The following CNIH3 variants were observed in gnomAD, a reference collection of about 807,000 sequenced individuals.
CNIH3 encodes the protein protein cornichon homolog 3.
In CNIH3, 14 loss-of-function variants were observed where a neutral mutation model predicts 24.1. The observed-to-expected ratio is 0.58, with a 90% CI of 0.38 to 0.91. The LOEUF is 0.91. Ranked by LOEUF, CNIH3 falls within the 40% of genes least tolerant of loss-of-function variation. The probability of loss-of-function intolerance (pLI) is 0.00; values close to 1 mark genes in which losing one functional copy is unlikely to be tolerated. For missense variants in CNIH3, 178 were observed against 196.8 expected (o/e 0.90, Z 0.57); for synonymous variants, 68 against 73.8 (o/e 0.92, Z 0.40).
At chr1:224,666,219 A>G (rs77490483) in intron 1 of CNIH3, among the ~76,000 whole-genome samples, 10,237 of 152,208 alleles carry the variant, frequency 0.067, 478 homozygotes, top group South Asian at 0.11. Flanking sequence ...TGCCCTTTCC[A>G]TGAGCCCAGG....
chr1:224,562,533 T>C (rs934412133), intron 3 of CNIH3, among the ~76,000 whole-genome samples: 1 of 152,230 alleles, frequency 6.6e-6, no homozygotes, highest in South Asian at 2.1e-4. Context: ...GTGACTGATA[T>C]AGTTTGGATA....
chr1:224,564,217 T>C lies in CNIH3; in HGVS notation n.451-1982T>C, dbSNP rs115000806. 4.5e-3 allele frequency among the ~76,000 whole-genome samples: 688 copies of C among 152,306 alleles called. 6 individuals are homozygous for C. The highest frequency in any genetic ancestry group is 0.016 in the African/African-American group (660 of 41,558). On this transcript the variant is annotated intron_variant and non_coding_transcript_variant, in intron 3 of 5. Coordinates refer to the CNIH3 transcript ENST00000471578. ...TGTGTGCTAGTAATTCATCACATAG[T>C]ATCAATAACTGTTTATAAATACCTG... is the stretch of plus-strand genomic sequence containing the variant.
upstream of CNIH3, among the ~76,000 whole-genome samples, chr1:224,611,872 C>T (rs541541255): frequency 5.3e-5 from 8 of 152,250 alleles, no homozygotes; most frequent in African/African-American, 1.9e-4. Flanking sequence ...CTTGTGGATC[C>T]CTGACAGCGC....
intron 3 of CNIH3, among the ~76,000 whole-genome samples, chr1:224,724,798 G>A (rs998184728): frequency 1.3e-5 from 2 of 152,122 alleles, no homozygotes; most frequent in Non-Finnish European, 2.9e-5. Flanking sequence ...GGAGTCAGGA[G>A]ACTGAATTGA....
chr1:224,694,724 A>T (rs1328336856), intron 3 of CNIH3, among the ~76,000 whole-genome samples: 1 of 152,252 alleles, frequency 6.6e-6, no homozygotes, highest in Admixed American at 6.5e-5. Flanking sequence ...TGTGGCATGT[A>T]TACACCATGG....
intron 3 of CNIH3, among the ~76,000 whole-genome samples, chr1:224,714,831 CG>C (rs1353530738): frequency 6.6e-6 from 1 of 152,200 alleles, no homozygotes; most frequent in Non-Finnish European, 1.5e-5. Context: ...AGGAGAAGCA[CG>C]GACTGTCCCC....
chr1:224,638,454 T>C (rs1684199110), intron 1 of CNIH3, among the ~76,000 whole-genome samples: 1 of 152,204 alleles, frequency 6.6e-6, no homozygotes, highest in Non-Finnish European at 1.5e-5. Flanking sequence ...TAGTTCATTC[T>C]TCCCCATGCC....
At chr1:224,457,598 A>G (rs1675732764) in intron 1 of CNIH3, among the ~76,000 whole-genome samples, 1 of 147,678 alleles carries the variant, frequency 6.8e-6, no homozygotes, top group Admixed American at 6.9e-5. Context: ...CCAAAGGGCC[A>G]AGGAATCCTG....
At chr1:224,498,131 C>G (rs546424344) in intron 1 of CNIH3, among the ~76,000 whole-genome samples, 1 of 152,168 alleles carries the variant, frequency 6.6e-6, no homozygotes, top group Non-Finnish European at 1.5e-5. Flanking sequence ...GATTCAGGGC[C>G]CATCTGGCCT....
At chr1:224,488,545 C>T (rs1038656733) in intron 1 of CNIH3, among the ~76,000 whole-genome samples, 20 of 152,010 alleles carry the variant, frequency 1.3e-4, no homozygotes, top group Non-Finnish European at 1.8e-4. Context: ...ATTATAGCCT[C>T]GAGCTCCTGG....
chr1:224,711,326 T>C (rs1320203818), intron 3 of CNIH3, among the ~76,000 whole-genome samples: 7 of 147,106 alleles, frequency 4.8e-5, no homozygotes, highest in East Asian at 3.9e-4. Context: ...CTCTCTCTCT[T>C]TTTTTTTTTT....
chr1:224,693,984 G>A (rs544162427), intron 3 of CNIH3, among the ~76,000 whole-genome samples: 4 of 152,258 alleles, frequency 2.6e-5, no homozygotes, highest in Non-Finnish European at 4.4e-5. Context: ...GAGACACTCT[G>A]GGAAATATTT....
At chr1:224,679,237 A>G (rs1043100505) in intron 1 of CNIH3, among the ~76,000 whole-genome samples, 6 of 152,104 alleles carry the variant, frequency 3.9e-5, no homozygotes, top group Non-Finnish European at 5.9e-5. Flanking sequence ...CTACTCGAGA[A>G]GCTGAGGCAG....
At chr1:224,706,302 G>A (rs1210612972) in intron 3 of CNIH3, among the ~76,000 whole-genome samples, 1 of 152,138 alleles carries the variant, frequency 6.6e-6, no homozygotes, top group Non-Finnish European at 1.5e-5. Context: ...AATGGCTCTT[G>A]ATTCCCACTT....
At chr1:224,489,763 G>C (rs947135572) in intron 1 of CNIH3, among the ~76,000 whole-genome samples, 5 of 152,058 alleles carry the variant, frequency 3.3e-5, no homozygotes, top group Admixed American at 3.3e-4. Flanking sequence ...TTGATTTTTC[G>C]GTGCTGGAGG....
At chr1:224,446,034 G>A (rs372031843) in intron 1 of CNIH3, among the ~76,000 whole-genome samples, 1 of 152,114 alleles carries the variant, frequency 6.6e-6, no homozygotes, top group Non-Finnish European at 1.5e-5. Flanking sequence ...CAGTGGTGTT[G>A]TTATAAATTA....
chr1:224,725,373 A>C (rs1281074426), intron 3 of CNIH3, among the ~76,000 whole-genome samples: 1 of 152,198 alleles, frequency 6.6e-6, no homozygotes, highest in Non-Finnish European at 1.5e-5. Context: ...AAGACTCAGC[A>C]TGGGTAGCTG....
intron 1 of CNIH3, among the ~76,000 whole-genome samples, chr1:224,674,368 T>C (rs889499589): frequency 6.9e-6 from 1 of 144,170 alleles, no homozygotes; most frequent in Non-Finnish European, 1.5e-5. Flanking sequence ...GAGATAACTT[T>C]TAATCTCCTA....
At chr1:224,447,102 G>A (rs1425733289) in intron 1 of CNIH3, among the ~76,000 whole-genome samples, 3 of 152,114 alleles carry the variant, frequency 2.0e-5, no homozygotes, top group Non-Finnish European at 4.4e-5. Context: ...TATATGAGAG[G>A]GGGTTTATTA....
Sources: gnomAD v4.1 joint callset for allele counts (sites outside exome capture counted in the v4.1 genomes callset) on GRCh38, gnomAD v4.1.1 for gene constraint, MANE v1.5 for transcripts, NCBI Gene and HGNC (gene_info 2026-07-23, HGNC 2026-07-21) for gene names.